PPP2R5E: variants seen among roughly 807,000 people sequenced by gnomAD.
PPP2R5E encodes serine/threonine-protein phosphatase 2A 56 kDa regulatory subunit epsilon isoform.
In PPP2R5E, 4 loss-of-function variants were observed where a neutral mutation model predicts 65.3. The observed-to-expected ratio is 0.06, with a 90% CI of 0.03 to 0.14. The LOEUF (loss-of-function observed/expected upper bound fraction) is 0.14. Among genes scored for constraint, PPP2R5E ranks in the 10% least tolerant of loss-of-function variants. The pLI is 1.00. For missense variants in PPP2R5E, 274 were observed against 556.1 expected, an observed-to-expected ratio of 0.49 and a Z score of 5.10; for synonymous variants, 183 against 187.4, an observed-to-expected ratio of 0.98 and a Z score of 0.19.
intron 1 of PPP2R5E, among the ~76,000 whole-genome samples, chr14:63,540,028 G>C (rs1893823306): frequency 6.6e-6 from 1 of 151,878 alleles, no homozygotes; most frequent in Admixed American, 6.6e-5. Context: ...GGGAGGCTGA[G>C]GTGAAAGAAT....
At chr14:63,540,713 A>ACT (rs1893864123) in intron 1 of PPP2R5E, among the ~76,000 whole-genome samples, 1 of 148,526 alleles carries the variant, frequency 6.7e-6, no homozygotes, top group Non-Finnish European at 1.5e-5. Flanking sequence ...CAAGAGGAAA[A>ACT]CTCCTTCTCA....
chr14:63,408,575 T>C (rs1432402053), intron 5 of PPP2R5E, among the ~76,000 whole-genome samples: 1 of 152,182 alleles, frequency 6.6e-6, no homozygotes, highest in Non-Finnish European at 1.5e-5. Flanking sequence ...ATATCATTAG[T>C]CATCTTTTTC....
At chr14:63,542,344 T>A (rs1893934892) in intron 1 of PPP2R5E, among the ~76,000 whole-genome samples, 1 of 152,026 alleles carries the variant, frequency 6.6e-6, no homozygotes, top group Non-Finnish European at 1.5e-5. Context: ...TGGCTCAGGA[T>A]AATCCAAAGG....
intron 5 of PPP2R5E, among the ~76,000 whole-genome samples, chr14:63,403,146 G>A (rs927420454): frequency 6.6e-6 from 1 of 152,158 alleles, no homozygotes; most frequent in Non-Finnish European, 1.5e-5. Flanking sequence ...ATGTAGGCAG[G>A]CAGGGCACAG....
At chr14:63,514,793 C>T (rs1163019658) in intron 2 of PPP2R5E, among the ~76,000 whole-genome samples, 1 of 152,126 alleles carries the variant, frequency 6.6e-6, no homozygotes, top group South Asian at 2.1e-4. Flanking sequence ...AATTACCAAG[C>T]GCCTATCATG....
At position 63,422,044 on chromosome 14, in the gene PPP2R5E, A is replaced by G; in HGVS notation, c.405T>C (p.Phe135=). ...GGGTAGGTTCATCTTCTTCTGGATC[A>G]AATTCATTGCTGTCACTAGGAGGGA... is the stretch of plus-strand genomic sequence containing the variant. ...RTLPPSDSNE[F]DPEEDEPTLE... Residue 135 remains phenylalanine, a synonymous_variant, in exon 4 of 14, where the codon TTT becomes TTC. Transcript: ENST00000337537. The G allele has an allele frequency of 6.2e-7, 1 of 1,613,960 alleles. No homozygotes were observed. Among genetic ancestry groups the G allele is most frequent in the Non-Finnish European group, 8.5e-7 (1 of 1,179,788 alleles).
chr14:63,510,410 T>C (rs942376701), intron 2 of PPP2R5E, among the ~76,000 whole-genome samples: 3 of 152,334 alleles, frequency 2.0e-5, no homozygotes, highest in African/African-American at 4.8e-5. Flanking sequence ...TCATGGAGCA[T>C]GCAGTCTAAC....
chr14:63,487,967 C>A (rs999848630), intron 2 of PPP2R5E, among the ~76,000 whole-genome samples: 1 of 152,154 alleles, frequency 6.6e-6, no homozygotes, highest in African/African-American at 2.4e-5. Context: ...TATATTCTCC[C>A]TCATGTCTCC....
At chr14:63,431,348 A>G (rs1887661175) in intron 3 of PPP2R5E, among the ~76,000 whole-genome samples, 1 of 152,214 alleles carries the variant, frequency 6.6e-6, no homozygotes, top group Admixed American at 6.5e-5. Context: ...ATTTCCTAGA[A>G]TAAGCCATCC....
chr14:63,415,004 C>A, intron 5 of PPP2R5E, 136 bp downstream of exon 5: 1 of 444,402 alleles, frequency 2.3e-6, no homozygotes, highest in South Asian at 4.6e-5. Context: ...TGGAAATTAA[C>A]TTATGTTTAT....
rs1290807287 is a variant in PPP2R5E at position 63,435,722 on chromosome 14, G to A, written c.355-13628C>T. ...CACAAATTCTGACCATGAACCCTCC[G>A]CTTCCATTCGGCTCCTATTTCAAGA... On this transcript the variant is annotated intron_variant, in intron 3 of 13. Coordinates refer to ENST00000337537, the MANE Select transcript of PPP2R5E (RefSeq NM_006246.5). Among the ~76,000 whole-genome samples, 7 of 152,040 alleles carry A rather than the reference G, an allele frequency of 4.6e-5. 1 individual carries two copies. Among genetic ancestry groups the A allele is most frequent in the African/African-American group, 1.5e-4 (6 of 41,376 alleles).
Position 63,393,897 on chromosome 14 carries a change from C to T in PPP2R5E, c.772G>A (p.Ala258Thr). ...IINGFALPLK[A>T]EHKQFLVKVL... ...TTCACCAGAAACTGTTTGTGTTCTGCCTTAAGAGGTAAAGCAAAGCCATTG... is the reference window on the plus strand; with the variant it reads ...TTCACCAGAAACTGTTTGTGTTCTGTCTTAAGAGGTAAAGCAAAGCCATTG... The change falls in exon 8 of 14, where the codon GCA becomes ACA. Residue 258 changes from alanine (A) to threonine (T), a missense_variant. This residue lies in a region of PPP2R5E where 129 missense variants were observed against 254.9 expected (regional missense o/e 0.51). Transcript: ENST00000337537. 6.2e-7 allele frequency: 1 copy of T among 1,611,068 alleles called. No homozygotes were observed. The highest frequency in any genetic ancestry group is 8.5e-7 in the Non-Finnish European group (1 of 1,177,588).
At chr14:63,487,083 A>G (rs1002449406) in intron 2 of PPP2R5E, among the ~76,000 whole-genome samples, 6 of 152,236 alleles carry the variant, frequency 3.9e-5, no homozygotes, top group Non-Finnish European at 8.8e-5. Flanking sequence ...ATGTATTTCC[A>G]ATACAGCTGT....
chr14:63,506,408 G>A (rs921765004), intron 2 of PPP2R5E, among the ~76,000 whole-genome samples: 4 of 152,022 alleles, frequency 2.6e-5, no homozygotes, highest in Non-Finnish European at 4.4e-5. Flanking sequence ...CCGAGACTGC[G>A]CCACTGCACT....
chr14:63,412,694 G>C (rs532488507), intron 5 of PPP2R5E, among the ~76,000 whole-genome samples: 12 of 152,312 alleles, frequency 7.9e-5, no homozygotes, highest in African/African-American at 2.9e-4. Flanking sequence ...CTTCACAGAA[G>C]AATCTGGATT....
At chr14:63,461,631 T>C (rs990027941) in intron 2 of PPP2R5E, among the ~76,000 whole-genome samples, 1 of 140,188 alleles carries the variant, frequency 7.1e-6, no homozygotes, top group African/African-American at 3.0e-5. Flanking sequence ...ATCGCGTCTC[T>C]ACAAAATTTA....
chr14:63,485,813 T>C (rs1890962504), intron 2 of PPP2R5E, among the ~76,000 whole-genome samples: 1 of 150,958 alleles, frequency 6.6e-6, no homozygotes, highest in Non-Finnish European at 1.5e-5. Context: ...TCATTGTACA[T>C]ATACTGACAA....
At chr14:63,416,628 T>C (rs1271333355) in intron 4 of PPP2R5E, among the ~76,000 whole-genome samples, 2 of 147,422 alleles carry the variant, frequency 1.4e-5, no homozygotes, top group Non-Finnish European at 3.0e-5. Flanking sequence ...TAATCAGAAA[T>C]AAAAAGTGAA....
At chr14:63,535,539 T>C (rs569931708) in intron 2 of PPP2R5E, among the ~76,000 whole-genome samples, 3 of 152,316 alleles carry the variant, frequency 2.0e-5, no homozygotes, top group Admixed American at 1.3e-4. Context: ...AAATCAAAGA[T>C]TATGATGCAT....
Sources: allele counts gnomAD v4.1 joint callset (sites outside exome capture counted in the v4.1 genomes callset), GRCh38; gene constraint gnomAD v4.1.1; regional missense constraint gnomAD v4.1.1; transcripts MANE v1.5; gene names NCBI Gene and HGNC (gene_info 2026-07-23, HGNC 2026-07-21).